The following ICA1L variants were observed in gnomAD, a reference collection of about 807,000 sequenced individuals.
ICA1L encodes the protein islet cell autoantigen 1-like protein.
In ICA1L, 50 loss-of-function variants were observed where a neutral mutation model predicts 61.3. The ratio of observed to expected loss-of-function variants is 0.82; its 90% CI spans 0.65 to 1.03. The LOEUF is 1.03. Among genes scored for constraint, ICA1L ranks in the 50% least tolerant of loss-of-function variants. The probability of loss-of-function intolerance (pLI) is 0.00; values close to 1 mark genes in which losing one functional copy is unlikely to be tolerated. For missense variants in ICA1L, 508 were observed against 556.7 expected (o/e 0.91, Z 0.88); for synonymous variants, 161 against 191.3 (o/e 0.84, Z 1.31).
chr2:202,781,178 T>C (rs886916497), intron 12 of ICA1L, among the ~76,000 whole-genome samples: 4 of 152,112 alleles, frequency 2.6e-5, no homozygotes, highest in Non-Finnish European at 4.4e-5. Flanking sequence ...GAGATTCTTA[T>C]AGGATAACAA....
At chr2:202,810,240 A>AAAATTTCC in intron 9 of ICA1L, among the ~76,000 whole-genome samples, 1 of 152,348 alleles carries the variant, frequency 6.6e-6, no homozygotes, top group Non-Finnish European at 1.5e-5. Context: ...TAGTATATCC[A>AAAATTTCC]GCGAAAATAT....
At chr2:202,814,996 C>G (rs1369278297) in intron 7 of ICA1L, among the ~76,000 whole-genome samples, 1 of 152,218 alleles carries the variant, frequency 6.6e-6, no homozygotes, top group South Asian at 2.1e-4. Context: ...GCAAACTGCA[C>G]ATATTGTGAT....
chr2:202,838,034 T>C (rs535820957), intron 1 of ICA1L, among the ~76,000 whole-genome samples: 7 of 152,194 alleles, frequency 4.6e-5, no homozygotes, highest in African/African-American at 1.4e-4. Flanking sequence ...TTTGTATTTT[T>C]AGTAAGGCGG....
intron 10 of ICA1L, among the ~76,000 whole-genome samples, chr2:202,792,913 G>A (rs765209695): frequency 1.3e-5 from 2 of 152,172 alleles, no homozygotes; most frequent in African/African-American, 4.8e-5. Flanking sequence ...CTTTTGTATG[G>A]CTTCATTTAT....
intron 10 of ICA1L, among the ~76,000 whole-genome samples, chr2:202,796,165 A>C (rs908798376): frequency 6.6e-6 from 1 of 152,206 alleles, no homozygotes; most frequent in Non-Finnish European, 1.5e-5. Context: ...GTAAAAAATA[A>C]TACTACATAA....
chr2:202,783,325 C>T (rs1001371762), intron 12 of ICA1L, among the ~76,000 whole-genome samples: 5 of 152,176 alleles, frequency 3.3e-5, no homozygotes, highest in Non-Finnish European at 7.3e-5. Flanking sequence ...ATACAGCAGT[C>T]ACTTTGTAAT....
intron 6 of ICA1L, among the ~76,000 whole-genome samples, chr2:202,816,990 C>T (rs1192812558): frequency 1.3e-5 from 2 of 152,178 alleles, no homozygotes; most frequent in African/African-American, 2.4e-5. Context: ...TTGCCGTTCA[C>T]TTTAATTCTC....
At chr2:202,848,123 C>A (rs531174095) in intron 1 of ICA1L, among the ~76,000 whole-genome samples, 2 of 152,064 alleles carry the variant, frequency 1.3e-5, no homozygotes, top group East Asian at 1.9e-4. Flanking sequence ...CCACCATGCC[C>A]GGCTAATTTT....
intron 1 of ICA1L, among the ~76,000 whole-genome samples, chr2:202,836,816 G>GATATAGATATAGAT (rs1559143105): frequency 6.9e-6 from 1 of 144,158 alleles, no homozygotes; most frequent in Non-Finnish European, 1.6e-5. Flanking sequence ...GATATATATA[G>GATATAGATATAGAT]ATATATAGAT....
In ICA1L at chr2:202,814,349, T is replaced by A. The variant is rs74555108; in HGVS notation, c.866+353A>T. Among the ~76,000 whole-genome samples, 1,086 of 152,258 alleles carry A rather than the reference T, an allele frequency of 7.1e-3. 9 individuals carry two copies. The highest frequency in any genetic ancestry group is 0.025 in the African/African-American group (1,026 of 41,556). On this transcript the variant is annotated intron_variant, in intron 8 of 12. Coordinates refer to ENST00000358299, the MANE Select transcript of ICA1L (RefSeq NM_001288622.3). ...AGGAATGCTTCTGAATGGGTTGTTATACAGCCAGCATGCCCCTTGATTTTG... is the reference window on the plus strand; with the variant it reads ...AGGAATGCTTCTGAATGGGTTGTTAAACAGCCAGCATGCCCCTTGATTTTG...
chr2:202,842,171 T>C (rs1694352683), intron 1 of ICA1L, among the ~76,000 whole-genome samples: 1 of 152,196 alleles, frequency 6.6e-6, no homozygotes, highest in Non-Finnish European at 1.5e-5. Flanking sequence ...AGCCATTATT[T>C]TTAATAGTTT....
chr2:202,827,525 A>C (rs1422539531), intron 2 of ICA1L, among the ~76,000 whole-genome samples: 1 of 152,224 alleles, frequency 6.6e-6, no homozygotes, highest in East Asian at 1.9e-4. Context: ...ATTCTTAAAA[A>C]AATAGTACAA....
At chr2:202,822,580 T>C (rs1162946932) in intron 3 of ICA1L, among the ~76,000 whole-genome samples, 11 of 152,190 alleles carry the variant, frequency 7.2e-5, no homozygotes, top group Admixed American at 6.5e-4. Flanking sequence ...TGATCTAGTG[T>C]AAGCTGATCC....
chr2:202,798,000 T>TA, intron 9 of ICA1L, among the ~76,000 whole-genome samples: 1 of 152,326 alleles, frequency 6.6e-6, no homozygotes, highest in African/African-American at 2.4e-5. Flanking sequence ...TTCAACTTTT[T>TA]AGATTCCACA....
At chr2:202,864,547 CA>C (rs1220655944) in intron 1 of ICA1L, among the ~76,000 whole-genome samples, 1 of 151,822 alleles carries the variant, frequency 6.6e-6, no homozygotes, top group African/African-American at 2.4e-5. Flanking sequence ...AATATGAATG[CA>C]AAAACCCTTC....
chr2:202,797,507 C>T (rs2105830543), intron 9 of ICA1L, among the ~76,000 whole-genome samples: 1 of 152,152 alleles, frequency 6.6e-6, no homozygotes, highest in Non-Finnish European at 1.5e-5. Flanking sequence ...TTGAACACTG[C>T]TCTCTTAACA....
At chr2:202,834,244 T>C (rs1245629289) in intron 1 of ICA1L, among the ~76,000 whole-genome samples, 2 of 152,210 alleles carry the variant, frequency 1.3e-5, no homozygotes, top group Non-Finnish European at 2.9e-5. Flanking sequence ...TTTGGATTTA[T>C]AGAAAAGAAT....
intron 7 of ICA1L, among the ~76,000 whole-genome samples, chr2:202,815,104 A>T (rs1019008185): frequency 2.0e-5 from 3 of 152,246 alleles, no homozygotes; most frequent in Non-Finnish European, 4.4e-5. Flanking sequence ...AAATACAGCT[A>T]AAGATTTTCA....
intron 1 of ICA1L, among the ~76,000 whole-genome samples, chr2:202,846,491 T>C (rs1694467940): frequency 6.6e-6 from 1 of 152,144 alleles, no homozygotes; most frequent in Non-Finnish European, 1.5e-5. Flanking sequence ...AGTGGGGGGT[T>C]CCCAAGACTC....
Sources: allele counts gnomAD v4.1 joint callset (sites outside exome capture counted in the v4.1 genomes callset), GRCh38; gene constraint gnomAD v4.1.1; transcripts MANE v1.5; gene names NCBI Gene and HGNC (gene_info 2026-07-23, HGNC 2026-07-21).